The following GPM6A variants were observed in gnomAD, a reference collection of about 807,000 sequenced individuals.
GPM6A encodes neuronal membrane glycoprotein M6-a.
In GPM6A, 7 loss-of-function variants were observed where a neutral mutation model predicts 32.1. That is an observed-to-expected ratio of 0.22 (90% confidence interval 0.12 to 0.41). The LOEUF (loss-of-function observed/expected upper bound fraction) is 0.41. GPM6A is among the 10% of genes least tolerant of loss of function. The probability of loss-of-function intolerance (pLI) is 1.00; values close to 1 mark genes in which losing one functional copy is unlikely to be tolerated. For synonymous variants in GPM6A, 130 were observed against 123.4 expected, an observed-to-expected ratio of 1.05 and a Z score of -0.35; for missense variants, 235 against 347.2, an observed-to-expected ratio of 0.68 and a Z score of 2.57.
intron 2 of GPM6A, among the ~76,000 whole-genome samples, chr4:175,684,269 T>C (rs1484360033): frequency 1.3e-5 from 2 of 152,202 alleles, no homozygotes; most frequent in African/African-American, 4.8e-5. Context: ...GCTTATGGCA[T>C]TTTACTATGC....
At chr4:175,689,454 T>C (rs1744174013) in intron 2 of GPM6A, among the ~76,000 whole-genome samples, 1 of 152,082 alleles carries the variant, frequency 6.6e-6, no homozygotes, top group Non-Finnish European at 1.5e-5. Context: ...GCGTTTTTTT[T>C]TTTCTTTTTG....
chr4:175,670,860 C>CTTTTTTT (rs1743016862), intron 3 of GPM6A, among the ~76,000 whole-genome samples: 3 of 116,416 alleles, frequency 2.6e-5, no homozygotes, highest in Admixed American at 9.2e-5. Flanking sequence ...AATGTTGCTT[C>CTTTTTTT]ATTTTTTTTT....
chr4:175,771,910 C>T (rs1295337966), intron 1 of GPM6A, among the ~76,000 whole-genome samples: 1 of 152,166 alleles, frequency 6.6e-6, no homozygotes, highest in East Asian at 1.9e-4. Flanking sequence ...ACCTTCCTTG[C>T]TTTAGTATAG....
intron 1 of GPM6A, among the ~76,000 whole-genome samples, chr4:175,953,249 C>G (rs531334614): frequency 4.0e-5 from 6 of 151,886 alleles, no homozygotes; most frequent in African/African-American, 1.2e-4. Flanking sequence ...GTTTTTGAAG[C>G]TGAAAAACCT....
intron 1 of GPM6A, among the ~76,000 whole-genome samples, chr4:175,893,760 C>A (rs1043466111): frequency 2.0e-5 from 3 of 152,006 alleles, no homozygotes; most frequent in Non-Finnish European, 4.4e-5. Context: ...CCTAACCTTC[C>A]TAAGTAAAAA....
At chr4:175,665,056 A>G (rs1742660584) in intron 3 of GPM6A, among the ~76,000 whole-genome samples, 1 of 152,184 alleles carries the variant, frequency 6.6e-6, no homozygotes, top group Non-Finnish European at 1.5e-5. Flanking sequence ...AAAATATGGT[A>G]TTGAAAGCCT....
intron 2 of GPM6A, among the ~76,000 whole-genome samples, chr4:175,691,251 G>GAAAT (rs138749170): frequency 0.047 from 7,168 of 152,232 alleles, 199 homozygotes; most frequent in Non-Finnish European, 0.063. Flanking sequence ...ATCAAATAGA[G>GAAAT]AAATAGCGAA....
At chr4:175,829,048 C>T (rs991971636) in intron 1 of GPM6A, among the ~76,000 whole-genome samples, 1 of 152,170 alleles carries the variant, frequency 6.6e-6, no homozygotes, top group Non-Finnish European at 1.5e-5. Context: ...CTCAGCCTCC[C>T]AAGTAGCTGG....
intron 1 of GPM6A, among the ~76,000 whole-genome samples, chr4:175,847,435 T>C (rs1736124615): frequency 6.6e-6 from 1 of 152,180 alleles, no homozygotes; most frequent in Admixed American, 6.6e-5. Context: ...CACCTTCTTA[T>C]TCCATTCTGC....
At chr4:175,714,069 G>A (rs1430874594) in intron 1 of GPM6A, among the ~76,000 whole-genome samples, 2 of 152,014 alleles carry the variant, frequency 1.3e-5, no homozygotes, top group African/African-American at 4.8e-5. Context: ...AAAATCACCA[G>A]GGGTGCTGTC....
chr4:175,939,679 T>C (rs1739344919), intron 1 of GPM6A, among the ~76,000 whole-genome samples: 2 of 152,022 alleles, frequency 1.3e-5, no homozygotes, highest in African/African-American at 4.8e-5. Flanking sequence ...CAGAAGAAAA[T>C]TCAGCTAGAA....
At chr4:175,867,331 C>T (rs542377227) in intron 1 of GPM6A, among the ~76,000 whole-genome samples, 1 of 152,086 alleles carries the variant, frequency 6.6e-6, no homozygotes, top group Admixed American at 6.5e-5. Flanking sequence ...ATCACCATAC[C>T]CAAGGTAATC....
chr4:175,741,747 G>A (rs1482342332), intron 1 of GPM6A, among the ~76,000 whole-genome samples: 1 of 151,986 alleles, frequency 6.6e-6, no homozygotes, highest in Non-Finnish European at 1.5e-5. Flanking sequence ...TGCTTAGCAT[G>A]GTAATTAGCA....
At chr4:175,678,698 G>A (rs1461394525) in intron 2 of GPM6A, among the ~76,000 whole-genome samples, 2 of 152,062 alleles carry the variant, frequency 1.3e-5, no homozygotes, top group Admixed American at 6.6e-5. Context: ...AACCTGTCGC[G>A]CATTTGAAAG....
chr4:175,907,980 A>G (rs1022679294), intron 1 of GPM6A, among the ~76,000 whole-genome samples: 1 of 152,156 alleles, frequency 6.6e-6, no homozygotes, highest in Non-Finnish European at 1.5e-5. Context: ...CGTCTCCTAC[A>G]CTGTTGAATA....
chr4:175,748,863 A>G (rs973874880), intron 1 of GPM6A, among the ~76,000 whole-genome samples: 2 of 152,148 alleles, frequency 1.3e-5, no homozygotes, highest in African/African-American at 4.8e-5. Context: ...ACCTCCATCA[A>G]TGTTCTTAGC....
intron 1 of GPM6A, among the ~76,000 whole-genome samples, chr4:175,755,319 C>A (rs1310721128): frequency 6.6e-6 from 1 of 151,900 alleles, no homozygotes; most frequent in Non-Finnish European, 1.5e-5. Context: ...CCTAAAATAA[C>A]TTCTATTTTC....
chr4:175,984,035 A>C (rs77273250), intron 1 of GPM6A, among the ~76,000 whole-genome samples: 1,520 of 152,000 alleles, frequency 0.01, 20 homozygotes, highest in African/African-American at 0.034. Flanking sequence ...ACACACACAC[A>C]CACACTCACA....
At chr4:175,785,227 A>C (rs1733755401) in intron 1 of GPM6A, among the ~76,000 whole-genome samples, 1 of 152,180 alleles carries the variant, frequency 6.6e-6, no homozygotes, top group African/African-American at 2.4e-5. Flanking sequence ...CGCAGAGGCC[A>C]CACCTGGGAA....
Sources: allele counts gnomAD v4.1 joint callset (sites outside exome capture counted in the v4.1 genomes callset), GRCh38; gene constraint gnomAD v4.1.1; transcripts MANE v1.5; gene names NCBI Gene and HGNC (gene_info 2026-07-23, HGNC 2026-07-21).